GTSE1: variants seen among roughly 807,000 people sequenced by gnomAD.
GTSE1 encodes G2 and S-phase expressed 1, also known as G2 and S phase-expressed protein 1.
Under a neutral mutation model 60.5 loss-of-function variants are expected in GTSE1, and 52 were observed. That is an observed-to-expected ratio of 0.86 (90% CI 0.69 to 1.08). GTSE1 has a LOEUF of 1.08. GTSE1 is among the 50% of genes least tolerant of loss of function. The pLI, the probability that GTSE1 is intolerant of heterozygous loss-of-function variation, is 0.00. For missense variants in GTSE1, 937 were observed against 961.8 expected (o/e 0.97, Z 0.34); for synonymous variants, 368 against 386.5 (o/e 0.95, Z 0.56).
chr22:46,314,115 G>C lies in GTSE1; in HGVS notation c.1051+102G>C. 1.4e-6 allele frequency: 2 copies of C among 1,459,188 alleles called. No individual in the cohort carries two copies. The highest frequency in any genetic ancestry group is 3.5e-5 in the Admixed American group (2 of 57,898). 90.4% of individuals were successfully genotyped at this position (1,459,188 alleles called of 1,614,324 possible). On this transcript the variant is annotated intron_variant, in intron 6 of 11. Transcript: ENST00000454366. The surrounding 1 kb of genome is among the most constrained non-coding windows in gnomAD (Gnocchi z 7.1). ...GTTTCTGCAGAACCACTTAGGCTTG[G>C]CAGGACGTCCCGGAGGGCGTGCTGT...
intron 9 of GTSE1, chr22:46,327,308 A>C (rs1459327665): frequency 6.6e-6 from 1 of 152,236 alleles, no homozygotes; most frequent in African/African-American, 2.4e-5. Flanking sequence ...AGATTGAAAA[A>C]GGCACCTGAT....
At chr22:46,303,687 G>A (rs1220134732) in intron 2 of GTSE1, among the ~76,000 whole-genome samples, 1 of 152,174 alleles carries the variant, frequency 6.6e-6, no homozygotes, top group Non-Finnish European at 1.5e-5. Context: ...GTAGTCGTAG[G>A]TGTGCTATTC....
intron 7 of GTSE1, among the ~76,000 whole-genome samples, chr22:46,322,057 G>C (rs898674896): frequency 2.1e-4 from 27 of 126,084 alleles, no homozygotes; most frequent in Non-Finnish European, 4.2e-4. Flanking sequence ...CTGGGCGACA[G>C]AGAGAGACTC....
intron 2 of GTSE1, among the ~76,000 whole-genome samples, chr22:46,302,913 T>TC (rs1376206232): frequency 4.7e-5 from 7 of 150,010 alleles, no homozygotes; most frequent in Non-Finnish European, 1.0e-4. Flanking sequence ...TTTTTTTTTT[T>TC]CTTTGAGTTG....
chr22:46,300,850 A>G (rs1254367420), intron 2 of GTSE1, among the ~76,000 whole-genome samples: 1 of 152,212 alleles, frequency 6.6e-6, no homozygotes, highest in Non-Finnish European at 1.5e-5. Context: ...TAGAGGTGTA[A>G]AAAGTGAAAT....
rs561680265 is a variant in GTSE1, at chr22:46,319,360, C to T, written c.1432+2948C>T. 6.6e-6 allele frequency among the ~76,000 whole-genome samples: 1 copy of T among 152,202 alleles called. No homozygotes were observed. Among genetic ancestry groups the T allele is most frequent in the African/African-American group, 2.4e-5 (1 of 41,528 alleles). The stretch of plus-strand genomic sequence containing the variant: ...GGTGGGGAGGGTAATGCGGACCTGG[C>T]CCTCACTGTGTTGGGGAGGAAGCTA... On this transcript the variant is annotated intron_variant, in intron 7 of 11. Coordinates refer to ENST00000454366, the MANE Select transcript of GTSE1 (RefSeq NM_016426.7). The surrounding 1 kb of genome is among the most constrained non-coding windows in gnomAD (Gnocchi z 5.0).
intron 10 of GTSE1, 33 bp downstream of exon 10, chr22:46,328,922 G>T: frequency 6.5e-7 from 1 of 1,544,736 alleles, no homozygotes; most frequent in Non-Finnish European, 8.9e-7. Flanking sequence ...GGTTCTGTTA[G>T]CTGAGATTCC....
rs1252707972 is a variant in GTSE1 at position 46,328,831 on chromosome 22, C to G, written c.1868C>G (p.Thr623Ser). Residue 623 changes from threonine (T) to serine (S), a missense_variant, in exon 10 of 12, where the codon ACT becomes AGT. Thr to Ser is a moderately conservative substitution (Grantham distance 58). Transcript: ENST00000454366. ...AGCGATTCTACTTTCTCCAAAAGTA[C>G]TGCCACAGAAGTAGCTCGGGAGGAA... is the stretch of plus-strand genomic sequence containing the variant. ...EESDSTFSKS[T>S]ATEVAREEAK... The G allele has an allele frequency of 1.2e-6, 2 of 1,614,078 alleles. No homozygotes were observed. The highest frequency in any genetic ancestry group is 1.7e-5 in the Admixed American group (1 of 60,030).
chr22:46,298,754 A>C lies in GTSE1; in HGVS notation c.79+1275A>C, dbSNP rs191599616. 1.6e-4 allele frequency among the ~76,000 whole-genome samples: 25 copies of C among 152,104 alleles called. No individual in the cohort carries two copies. In the East Asian group the frequency reaches 4.8e-3, roughly 29 times the overall value. On this transcript the variant is annotated intron_variant, in intron 2 of 11. Transcript: ENST00000454366. ...CCTTCCTTTCAAATATGTCCTTTCC[A>C]CGTGCATACTGCACCCCCTGCTCCT...
In GTSE1 at chr22:46,319,500, G is replaced by C. The variant is rs1028387665; in HGVS notation, c.1432+3088G>C. Among the ~76,000 whole-genome samples, 1 of 152,156 alleles carries C rather than the reference G, an allele frequency of 6.6e-6. No homozygotes were observed. Among genetic ancestry groups the C allele is most frequent in the African/African-American group, 2.4e-5 (1 of 41,430 alleles). ...TCCCTGAGGTTCTGGCGGAACCTGG[G>C]TGCTGCCACTCATGTGACAGGAGGG... On this transcript the variant is annotated intron_variant, in intron 7 of 11. Coordinates refer to ENST00000454366, the MANE Select transcript of GTSE1 (RefSeq NM_016426.7). The surrounding 1 kb of genome is among the most constrained non-coding windows in gnomAD (Gnocchi z 5.0).
At position 46,297,074 on chromosome 22, in the gene GTSE1, G is replaced by C. The variant is rs1187425257; in HGVS notation, c.-22+143G>C. The C allele has an allele frequency of 7.0e-6, 2 of 286,760 alleles. No individual in the cohort carries two copies. Among genetic ancestry groups the C allele is most frequent in the Non-Finnish European group, 1.3e-5 (2 of 149,144 alleles). The allele number at this position is 286,760 out of a possible 1,614,324, so 17.8% of individuals were successfully genotyped here. On this transcript the variant is annotated intron_variant, in intron 1 of 11. Coordinates refer to ENST00000454366, the MANE Select transcript of GTSE1 (RefSeq NM_016426.7). This position sits in a 1 kb window ranked among gnomAD's most constrained non-coding sequence, Gnocchi z 4.9. ...AGCAGGGGTCACTGAGGCCCCTCGC[G>C]CCGTGGTCGGGGATGCCGGGAGGTC...
chr22:46,301,715 C>T (rs987323344), intron 2 of GTSE1, among the ~76,000 whole-genome samples: 1 of 152,042 alleles, frequency 6.6e-6, no homozygotes, highest in Non-Finnish European at 1.5e-5. Context: ...TCTCGAACTC[C>T]TGACCTCAGG....
chr22:46,303,219 A>G (rs1319401975), intron 2 of GTSE1, among the ~76,000 whole-genome samples: 1 of 151,818 alleles, frequency 6.6e-6, no homozygotes, highest in African/African-American at 2.4e-5. Context: ...TCTTTATTTG[A>G]TATGTTACTT....
chr22:46,316,518 C>G lies in GTSE1; in HGVS notation c.1432+106C>G. 1.2e-6 allele frequency: 1 copy of G among 847,812 alleles called. No individual in the cohort carries two copies. The highest frequency in any genetic ancestry group is 1.9e-6 in the Non-Finnish European group (1 of 537,430). 52.5% of individuals were successfully genotyped at this position (847,812 alleles called of 1,614,324 possible). Reference sequence around the variant, plus strand: ...CATTGATGGTGTTTTTAGTTCTTTCCTCCAACAGTGCTTTCAGGTGTGACC... The same window carrying G: ...CATTGATGGTGTTTTTAGTTCTTTCGTCCAACAGTGCTTTCAGGTGTGACC... On this transcript the variant is annotated intron_variant, in intron 7 of 11. Coordinates refer to ENST00000454366, the MANE Select transcript of GTSE1 (RefSeq NM_016426.7). This position sits in a 1 kb window ranked among gnomAD's most constrained non-coding sequence, Gnocchi z 5.0.
Position 46,309,387 on chromosome 22 carries a change from C to T in GTSE1, c.762+444C>T, listed in dbSNP as rs916619095. Reference sequence around the variant, plus strand: ...CAGGGGTGCCTTTGGGTGCAGTCTGCCTACTCTGGGACACTGAGGGTCCTG... The same window carrying T: ...CAGGGGTGCCTTTGGGTGCAGTCTGTCTACTCTGGGACACTGAGGGTCCTG... On this transcript the variant is annotated intron_variant, in intron 4 of 11. Transcript: ENST00000454366. This position sits in a 1 kb window ranked among gnomAD's most constrained non-coding sequence, Gnocchi z 6.2. Among the ~76,000 whole-genome samples the T allele has an allele frequency of 6.6e-6, 1 of 152,098 alleles. No individual in the cohort carries two copies. Among genetic ancestry groups the T allele is most frequent in the Non-Finnish European group, 1.5e-5 (1 of 68,020 alleles).
chr22:46,305,468 G>T (rs1448497154), intron 2 of GTSE1, among the ~76,000 whole-genome samples: 1 of 152,060 alleles, frequency 6.6e-6, no homozygotes, highest in Non-Finnish European at 1.5e-5. Context: ...AATTAGCTGG[G>T]CGTGGTAGCA....
Position 46,328,746 on chromosome 22 carries a change from C to T in GTSE1, c.1783C>T (p.Pro595Ser), listed in dbSNP as rs1278896826. The change falls in exon 10 of 12, where the codon CCT becomes TCT. Residue 595 changes from proline to serine, a missense_variant. Pro to Ser is a moderately conservative substitution (Grantham distance 74, BLOSUM62 -1). Coordinates refer to ENST00000454366, the MANE Select transcript of GTSE1 (RefSeq NM_016426.7). ...AGATTCCAGGCTGGTGGATGTGTCC[C>T]CTGACAGGGGTTCTCCTCCTTCCCG... ...KTDSRLVDVS[P>S]DRGSPPSRVP... 2 of 1,613,942 alleles carry T rather than the reference C, an allele frequency of 1.2e-6. No homozygotes were observed. The highest frequency in any genetic ancestry group is 2.2e-5 in the East Asian group (1 of 44,878).
At chr22:46,301,487 CTT>C (rs1201828353) in intron 2 of GTSE1, among the ~76,000 whole-genome samples, 1,433 of 123,892 alleles carry the variant, frequency 0.012, 39 homozygotes, top group African/African-American at 0.038. Context: ...ATTTTTAATA[CTT>C]TTTTTTTTTT....
intron 8 of GTSE1, 31 bp downstream of exon 8, chr22:46,323,293 A>T: frequency 6.5e-7 from 1 of 1,528,432 alleles, no homozygotes; most frequent in Non-Finnish European, 9.1e-7. Flanking sequence ...TCCTCTCTTT[A>T]TTGCTGTAGA....
Sources: allele counts gnomAD v4.1 joint callset (sites outside exome capture counted in the v4.1 genomes callset), GRCh38; gene constraint gnomAD v4.1.1; non-coding constraint Gnocchi (gnomAD v3.1); transcripts MANE v1.5; gene names NCBI Gene and HGNC (gene_info 2026-07-23, HGNC 2026-07-21).